SEMA4B: variants seen among roughly 807,000 people sequenced by gnomAD.
The protein encoded by SEMA4B is semaphorin 4B.
In SEMA4B, 55 loss-of-function variants were observed where a neutral mutation model predicts 88.1. That is an observed-to-expected ratio of 0.62 (90% confidence interval 0.50 to 0.78). The LOEUF is 0.78. Among genes scored for constraint, SEMA4B ranks in the 30% least tolerant of loss-of-function variants. The probability of loss-of-function intolerance (pLI) is 0.00; values close to 1 mark genes in which losing one functional copy is unlikely to be tolerated. For missense variants in SEMA4B, 1,062 were observed against 1,111.9 expected, an observed-to-expected ratio of 0.96 and a Z score of 0.64; for synonymous variants, 525 against 473.6, an observed-to-expected ratio of 1.11 and a Z score of -1.41.
chr15:90,224,030 A>T, intron 9 of SEMA4B, 42 bp downstream of exon 9: 3 of 1,577,100 alleles, frequency 1.9e-6, no homozygotes, highest in Non-Finnish European at 2.6e-6. Flanking sequence ...TGCCGGGAAG[A>T]TGTGGGTCCC....
Position 90,225,724 on chromosome 15 carries a change from T to C in SEMA4B, c.1585T>C (p.Tyr529His). 1 of 1,572,090 alleles carries C rather than the reference T, an allele frequency of 6.4e-7. No homozygotes were observed. Residue 529 changes from tyrosine (Y) to histidine (H), a missense_variant, in exon 12 of 14, where the codon TAC (tyrosine) becomes CAC (histidine). By Grantham distance (83) the Tyr-to-His change is moderately conservative. Coordinates refer to ENST00000411539, the MANE Select transcript of SEMA4B (RefSeq NM_198925.4). Reference sequence around the variant, plus strand: ...GGTGCCCATGGCCAACTGCAGCCTGTACAGGAGCTGTGGGGACTGCCTCCT... The same window carrying C: ...GGTGCCCATGGCCAACTGCAGCCTGCACAGGAGCTGTGGGGACTGCCTCCT... Reference protein sequence around the residue: ...VQVPMANCSLYRSCGDCLLAR... With the variant: ...VQVPMANCSLHRSCGDCLLAR...
intron 1 of SEMA4B, among the ~76,000 whole-genome samples, chr15:90,187,322 A>G (rs1483965695): frequency 6.6e-6 from 1 of 152,252 alleles, no homozygotes; most frequent in Non-Finnish European, 1.5e-5. Context: ...AAGTGGGGGA[A>G]AAGATCCAGG....
chr15:90,226,325 C>T (rs1183390602), intron 12 of SEMA4B, among the ~76,000 whole-genome samples: 1 of 152,008 alleles, frequency 6.6e-6, no homozygotes, highest in Non-Finnish European at 1.5e-5. Context: ...TAACAAAAAT[C>T]CTTTTATTTT....
upstream of SEMA4B, chr15:90,201,275 G>GGGGC: frequency 8.3e-6 from 9 of 1,089,716 alleles, no homozygotes; most frequent in Non-Finnish European, 1.0e-5. Flanking sequence ...AAGGGGGAAG[G>GGGGC]GGGCGGGCCG....
rs1457383912 is a variant in SEMA4B at position 90,201,723 on chromosome 15, A to G, written c.145A>G (p.Ser49Gly). The G allele has an allele frequency of 6.8e-7, 1 of 1,478,038 alleles. No homozygotes were observed. Among genetic ancestry groups the G allele is most frequent in the Non-Finnish European group, 8.9e-7 (1 of 1,119,144 alleles). The allele number at this position is 1,478,038 out of a possible 1,614,324, so 91.6% of individuals were successfully genotyped here. A position where few individuals can be genotyped will look rare whatever the true frequency, so the allele number is the denominator to read the frequency against. The change falls in exon 1 of 14, where the codon AGC becomes GGC. Residue 49 changes from serine to glycine, a missense_variant. Transcript: ENST00000411539. Reference protein sequence around the residue: ...PPTWALSPRISLPLGSEERPF... With the variant: ...PPTWALSPRIGLPLGSEERPF... The stretch of plus-strand genomic sequence containing the variant: ...GACCTGGGCGCTCAGCCCCCGGATC[A>G]GCCTGCCTCTGGGTGAGTGCCGGGG...
upstream of SEMA4B, chr15:90,201,298 G>C: frequency 1.8e-6 from 2 of 1,125,828 alleles, no homozygotes; most frequent in Non-Finnish European, 2.2e-6. Flanking sequence ...CGGGCTCACG[G>C]CCGACTTCCT....
chr15:90,189,342 T>C (rs1960278320), intron 1 of SEMA4B, among the ~76,000 whole-genome samples: 1 of 152,240 alleles, frequency 6.6e-6, no homozygotes, highest in Non-Finnish European at 1.5e-5. Context: ...ATATGGGTTC[T>C]GGAGTCAGCA....
intron 1 of SEMA4B, 135 bp from the exon 2 acceptor site, chr15:90,217,304 G>GC (rs766706841): frequency 3.5e-4 from 274 of 771,878 alleles, no homozygotes; most frequent in Non-Finnish European, 5.2e-4. Flanking sequence ...TGATCCCCCT[G>GC]CCCCCAGCCC....
At chr15:90,200,086 A>G (rs182584309), upstream of SEMA4B, among the ~76,000 whole-genome samples, 172 of 152,292 alleles carry the variant, frequency 1.1e-3, 1 homozygote, top group African/African-American at 4.1e-3. Context: ...AGGTACAGAA[A>G]TCATGCAGCA....
At chr15:90,185,715 AT>A (rs1960144415) in intron 1 of SEMA4B, among the ~76,000 whole-genome samples, 1 of 152,188 alleles carries the variant, frequency 6.6e-6, no homozygotes, top group East Asian at 1.9e-4. Context: ...ATGCCTTAAA[AT>A]TTTGTGCGGG....
At position 90,227,964 on chromosome 15, in the gene SEMA4B, C is replaced by T. The variant is rs1042512560; in HGVS notation, c.1835C>T (p.Pro612Leu). ...QPNTVNTLAC[P>L]LLSNLATRLW... ...AACACAGTGAACACTTTGGCCTGCC[C>T]GCTCCTCTCCAACCTGGCGACCCGA... Residue 612 changes from proline (P) to leucine (L), a missense_variant, in exon 14 of 14, where the codon CCG (proline) becomes CTG (leucine). By Grantham distance (98) the Pro-to-Leu change is moderately conservative (BLOSUM62 -3). Coordinates refer to ENST00000411539, the MANE Select transcript of SEMA4B (RefSeq NM_198925.4). 3.0e-5 allele frequency: 48 copies of T among 1,613,618 alleles called. No individual in the cohort carries two copies. Among genetic ancestry groups the T allele is most frequent in the Non-Finnish European group, 3.9e-5 (46 of 1,179,878 alleles).
At chr15:90,186,174 T>C (rs1411995546) in intron 1 of SEMA4B, among the ~76,000 whole-genome samples, 1 of 151,990 alleles carries the variant, frequency 6.6e-6, no homozygotes, top group Admixed American at 6.6e-5. Flanking sequence ...GCTCAAGTGA[T>C]CCGCCCACTT....
intron 1 of SEMA4B, among the ~76,000 whole-genome samples, chr15:90,188,370 G>C (rs1295971880): frequency 6.6e-6 from 1 of 152,020 alleles, no homozygotes. Context: ...GCTTATGCCT[G>C]TAATCCTAGC....
At chr15:90,184,934 C>A (rs935963718), upstream of SEMA4B, 1 of 985,874 alleles carries the variant, frequency 1.0e-6, no homozygotes, top group African/African-American at 1.7e-5. Context: ...CCGGGGACGC[C>A]GCGCCGGACT....
intron 1 of SEMA4B, among the ~76,000 whole-genome samples, chr15:90,185,510 G>A (rs1027523148): frequency 6.6e-6 from 1 of 152,234 alleles, no homozygotes; most frequent in African/African-American, 2.4e-5. Flanking sequence ...GAAGGAGAAG[G>A]CTAGAAGGAG....
intron 1 of SEMA4B, among the ~76,000 whole-genome samples, chr15:90,214,633 CAAAAAAA>C (rs766089827): frequency 2.1e-5 from 2 of 94,278 alleles, no homozygotes; most frequent in African/African-American, 8.4e-5. Context: ...AACACCATCT[CAAAAAAA>C]AAAAAAAAAA....
At chr15:90,221,534 AGAAG>A in intron 6 of SEMA4B, 54 bp downstream of exon 6, 4 of 1,607,640 alleles carry the variant, frequency 2.5e-6, no homozygotes, top group East Asian at 2.2e-5. Flanking sequence ...ACCCAGCCCT[AGAAG>A]GGGGCACTTT....
Position 90,212,696 on chromosome 15 carries a change from C to T in SEMA4B, c.158-4743C>T, listed in dbSNP as rs1390116351. 6.6e-6 allele frequency among the ~76,000 whole-genome samples: 1 copy of T among 152,150 alleles called. No homozygotes were observed. The highest frequency in any genetic ancestry group is 2.4e-5 in the African/African-American group (1 of 41,434). ...AGGCAAGCTCAGGCAGGGTCCTTCACAGACGTCTGCAGTCACTCTGGAGGT... is the reference window on the plus strand; with the variant it reads ...AGGCAAGCTCAGGCAGGGTCCTTCATAGACGTCTGCAGTCACTCTGGAGGT... On this transcript the variant is annotated intron_variant, in intron 1 of 13. Transcript: ENST00000411539. This position sits in a 1 kb window ranked among gnomAD's most constrained non-coding sequence, Gnocchi z 4.0.
Position 90,193,961 on chromosome 15 carries a change from C to T in SEMA4B, c.-121-7497C>T, listed in dbSNP as rs537121287. On this transcript the variant is annotated intron_variant, in intron 1 of 14. Transcript: ENST00000332496. ...CTGTCTCCCGGGTTCAAGCGATTCT[C>T]CTGCCTCAGCCTCCTGAGTAGCTGG... 2.0e-5 allele frequency among the ~76,000 whole-genome samples: 3 copies of T among 151,868 alleles called. No individual in the cohort carries two copies. In the South Asian group the frequency reaches 6.2e-4, roughly 32 times the overall value.
Sources: allele counts gnomAD v4.1 joint callset (sites outside exome capture counted in the v4.1 genomes callset), GRCh38; gene constraint gnomAD v4.1.1; non-coding constraint Gnocchi (gnomAD v3.1); transcripts MANE v1.5; gene names NCBI Gene and HGNC (gene_info 2026-07-23, HGNC 2026-07-21).